Variants in CEP192 observed in about 807,000 individuals in gnomAD.
CEP192 encodes the protein centrosomal protein of 192 kDa.
CEP192 carries 151 observed loss-of-function variants against 271.8 expected under a neutral mutation model. The ratio of observed to expected loss-of-function variants is 0.56; its 90% CI spans 0.49 to 0.64. The LOEUF is 0.64. Ranked by LOEUF, CEP192 falls within the 30% of genes least tolerant of loss-of-function variation. The probability of loss-of-function intolerance (pLI) is 0.00; values close to 1 mark genes in which losing one functional copy is unlikely to be tolerated. For synonymous variants in CEP192, 995 were observed against 1,076.5 expected, an observed-to-expected ratio of 0.92 and a Z score of 1.48; for missense variants, 2,910 against 3,020.5, an observed-to-expected ratio of 0.96 and a Z score of 0.86.
chr18:13,121,770 A>G (rs939962358), intron 44 of CEP192, among the ~76,000 whole-genome samples: 1 of 152,220 alleles, frequency 6.6e-6, no homozygotes, highest in African/African-American at 2.4e-5. Flanking sequence ...ATGTCCTTGC[A>G]CAGTGCAAGG....
At chr18:13,100,200 T>C (rs1020690312) in intron 37 of CEP192, 105 bp from the exon 38 acceptor site, 2 of 735,404 alleles carry the variant, frequency 2.7e-6, no homozygotes, top group Middle Eastern at 3.7e-4. Flanking sequence ...ATTGATGTTT[T>C]GTTTGTTTGG....
chr18:13,101,081 T>C (rs1166663684), intron 38 of CEP192, among the ~76,000 whole-genome samples: 2 of 152,234 alleles, frequency 1.3e-5, no homozygotes. Context: ...TTTTTGACCT[T>C]GCCCTGGGTA....
At chr18:13,024,587 C>T (rs1158661151) in intron 9 of CEP192, among the ~76,000 whole-genome samples, 3 of 151,956 alleles carry the variant, frequency 2.0e-5, no homozygotes, top group Admixed American at 2.0e-4. Context: ...CTCAGCCTCC[C>T]GAGTAGCTAG....
At chr18:13,082,149 C>T (rs1486799062) in intron 30 of CEP192, among the ~76,000 whole-genome samples, 1 of 152,130 alleles carries the variant, frequency 6.6e-6, no homozygotes, top group Non-Finnish European at 1.5e-5. Context: ...AGTTCAAGTC[C>T]TGGATATCCT....
chr18:13,015,382 C>CTAAG lies in CEP192; in HGVS notation c.575_578dup (p.His194LysfsTer4), dbSNP rs2034585167. 10 of 1,549,682 alleles carry CTAAG rather than the reference C, an allele frequency of 6.5e-6. No homozygotes were observed. The South Asian group carries it at 1.2e-4, about 18-fold the overall frequency. ...TGAAGACAAGACTCTAAAGAGTGAC[C>CTAAG]TAAGCCACACTAGCTTATTAGAAAA... On this transcript the variant is annotated frameshift_variant, in exon 6 of 45. Transcript: ENST00000506447. LOFTEE classifies it high-confidence loss of function.
At chr18:13,009,393 T>C (rs1180015099) in intron 4 of CEP192, among the ~76,000 whole-genome samples, 1 of 152,232 alleles carries the variant, frequency 6.6e-6, no homozygotes, top group Non-Finnish European at 1.5e-5. Context: ...TCCCACTAAT[T>C]AATTTATATT....
chr18:13,045,775 A>G (rs899718687), intron 15 of CEP192, among the ~76,000 whole-genome samples: 8 of 152,244 alleles, frequency 5.3e-5, no homozygotes, highest in Non-Finnish European at 8.8e-5. Context: ...CTTGCTAACA[A>G]ATCAAATCCT....
chr18:13,084,707 A>G lies in CEP192; in HGVS notation c.5617-2310A>G, dbSNP rs536144974. Among the ~76,000 whole-genome samples, 26 of 152,246 alleles carry G rather than the reference A, an allele frequency of 1.7e-4. 1 individual carries two copies. The highest frequency in any genetic ancestry group is 8.5e-4 in the Admixed American group (13 of 15,290). On this transcript the variant is annotated intron_variant, in intron 30 of 44. Coordinates refer to ENST00000506447, the MANE Select transcript of CEP192 (RefSeq NM_032142.4). ...CCAGAAATCACCATCTTCTGTGTCA[A>G]TCACGCTGGGAGCTGCAGACCGGAG...
chr18:13,050,599 C>G (rs1416713589), intron 17 of CEP192, among the ~76,000 whole-genome samples: 1 of 150,018 alleles, frequency 6.7e-6, no homozygotes, highest in Admixed American at 6.6e-5. Context: ...TTTTTTTTTC[C>G]GACAGAGTCT....
intron 6 of CEP192, among the ~76,000 whole-genome samples, chr18:13,016,342 A>G (rs1290570447): frequency 6.6e-6 from 1 of 152,162 alleles, no homozygotes. Context: ...GGAAACAGCC[A>G]GGGGTTTTGT....
intron 3 of CEP192, among the ~76,000 whole-genome samples, chr18:13,001,961 G>A (rs1359257695): frequency 6.6e-6 from 1 of 152,154 alleles, no homozygotes; most frequent in East Asian, 1.9e-4. Context: ...CCCCACCCGC[G>A]TTGGCCTCCC....
chr18:13,050,248 A>C lies in CEP192; in HGVS notation c.3017+357A>C, dbSNP rs111320727. Among the ~76,000 whole-genome samples the C allele has an allele frequency of 1.5e-3, 221 of 152,336 alleles. 1 individual carries two copies. The Middle Eastern group carries it at 0.02, about 14-fold the overall frequency. ...TGTTCATAAAATTTTAATTTTATGA[A>C]TGTCTTTTGTGGCTTTATAAAAGAT... On this transcript the variant is annotated intron_variant, in intron 17 of 44. Coordinates refer to ENST00000506447, the MANE Select transcript of CEP192 (RefSeq NM_032142.4).
At position 13,042,328 on chromosome 18, in the gene CEP192, A is replaced by G. The variant is rs758178549; in HGVS notation, c.2061A>G (p.Lys687=). ...TGACGTTAACGGCTGATAAAGGCAA[A>G]ACAGAGGTAGCTTCAGCCTTTCGTA... The part of the protein sequence containing the change: ...NDVTLTADKG[K]TEDTFFMSNK... The change falls in exon 15 of 45, where the codon AAA becomes AAG. Residue 687 remains lysine, a synonymous_variant. Transcript: ENST00000506447. The G allele has an allele frequency of 8.7e-6, 14 of 1,613,920 alleles. No homozygotes were observed. In the East Asian group the frequency reaches 3.1e-4, roughly 36 times the overall value.
At position 13,095,131 on chromosome 18, in the gene CEP192, G is replaced by C. The variant is rs8087433; in HGVS notation, c.6255-372G>C. ...TCCTGCCTCGGCCTTCCTGGTAGCT[G>C]GGACTACAGACACCTGCCACCACTC... On this transcript the variant is annotated intron_variant, in intron 34 of 44. Coordinates refer to ENST00000506447, the MANE Select transcript of CEP192 (RefSeq NM_032142.4). Among the ~76,000 whole-genome samples the C allele has an allele frequency of 7.6e-3, 1,151 of 152,250 alleles. 13 individuals carry two copies. Among genetic ancestry groups the C allele is most frequent in the African/African-American group, 0.026 (1,080 of 41,534 alleles).
intron 11 of CEP192, among the ~76,000 whole-genome samples, chr18:13,034,298 G>T (rs1411277139): frequency 6.6e-6 from 1 of 152,112 alleles, no homozygotes; most frequent in Non-Finnish European, 1.5e-5. Context: ...GATGGGTGCT[G>T]GGAAGGATGG....
intron 24 of CEP192, 93 bp from the exon 25 acceptor site, chr18:13,068,759 A>G: frequency 7.6e-7 from 1 of 1,320,086 alleles, no homozygotes; most frequent in Admixed American, 2.1e-5. Context: ...AAATTTTCTT[A>G]TTGCCCCTAA....
intron 3 of CEP192, among the ~76,000 whole-genome samples, chr18:13,007,950 G>A (rs2034086184): frequency 6.6e-6 from 1 of 152,182 alleles, no homozygotes; most frequent in Non-Finnish European, 1.5e-5. Context: ...TTGGAGTAGG[G>A]TGGGAGGAAC....
rs557313116 is a variant in CEP192 at position 13,031,308 on chromosome 18, C to T, written c.1534+700C>T. Among the ~76,000 whole-genome samples, 81 of 133,670 alleles carry T rather than the reference C, an allele frequency of 6.1e-4. 1 individual carries two copies. The highest frequency in any genetic ancestry group is 1.0e-3 in the Non-Finnish European group (68 of 65,584). The allele number at this position is 133,670 out of a possible 152,430, so 87.7% of individuals were successfully genotyped here. A position where few individuals can be genotyped will look rare whatever the true frequency, so the allele number is the denominator to read the frequency against. On this transcript the variant is annotated intron_variant, in intron 11 of 44. Transcript: ENST00000506447. ...TGTCGCCCAGGCTGGAGTGCAGTGG[C>T]GGGATCTCGGCTCACTGCAAGCTCC...
At chr18:13,029,256 A>C (rs993542181) in intron 9 of CEP192, among the ~76,000 whole-genome samples, 4 of 152,250 alleles carry the variant, frequency 2.6e-5, no homozygotes, top group African/African-American at 9.6e-5. Flanking sequence ...ACTCCTATTA[A>C]AAGATATTAA....
Sources: allele counts gnomAD v4.1 joint callset (sites outside exome capture counted in the v4.1 genomes callset), GRCh38; gene constraint gnomAD v4.1.1; transcripts MANE v1.5; gene names NCBI Gene and HGNC (gene_info 2026-07-23, HGNC 2026-07-21).